Variants in KDM4C observed in about 807,000 individuals in gnomAD.
KDM4C encodes the protein lysine-specific demethylase 4C.
In KDM4C, 81 loss-of-function variants were observed where a neutral mutation model predicts 129.3. The ratio of observed to expected loss-of-function variants is 0.63; its 90% CI spans 0.52 to 0.75. KDM4C has a LOEUF of 0.75. Ranked by LOEUF, KDM4C falls within the 30% of genes least tolerant of loss-of-function variation. KDM4C has a pLI of 0.00. For synonymous variants in KDM4C, 573 were observed against 456.1 expected (o/e 1.26, Z -3.26); for missense variants, 1,457 against 1,304.0 (o/e 1.12, Z -1.81).
At chr9:6,773,626 C>T (rs1197672311) in intron 1 of KDM4C, among the ~76,000 whole-genome samples, 1 of 152,016 alleles carries the variant, frequency 6.6e-6, no homozygotes, top group Non-Finnish European at 1.5e-5. Context: ...CAAAAATTAG[C>T]TGGGTGTGTT....
At chr9:7,113,420 G>C (rs1302110542) in intron 18 of KDM4C, among the ~76,000 whole-genome samples, 1 of 152,096 alleles carries the variant, frequency 6.6e-6, no homozygotes, top group Non-Finnish European at 1.5e-5. Flanking sequence ...TCTTAATTTT[G>C]CTAGGAAATT....
intron 8 of KDM4C, among the ~76,000 whole-genome samples, chr9:6,911,307 T>G (rs931665279): frequency 2.6e-5 from 4 of 152,170 alleles, no homozygotes; most frequent in African/African-American, 9.7e-5. Flanking sequence ...TCTGAAAGAT[T>G]AGAGTTTCCA....
intron 5 of KDM4C, among the ~76,000 whole-genome samples, chr9:6,865,207 A>G (rs960299972): frequency 6.6e-6 from 1 of 151,828 alleles, no homozygotes; most frequent in African/African-American, 2.4e-5. Context: ...ACGGGGTTTC[A>G]CCGTGTTTGC....
intron 19 of KDM4C, among the ~76,000 whole-genome samples, chr9:7,146,084 A>G (rs1411955419): frequency 6.6e-6 from 1 of 152,270 alleles, no homozygotes; most frequent in Non-Finnish European, 1.5e-5. Flanking sequence ...TTATGCAGCC[A>G]TTAAAATCAT....
chr9:7,149,603 A>T (rs928488006), intron 19 of KDM4C, among the ~76,000 whole-genome samples: 1 of 152,230 alleles, frequency 6.6e-6, no homozygotes. Flanking sequence ...GGCCGCCGCC[A>T]CCAGTAGTAA....
upstream of KDM4C, among the ~76,000 whole-genome samples, chr9:6,754,394 G>A (rs1818177259): frequency 6.6e-6 from 1 of 151,700 alleles, no homozygotes; most frequent in Non-Finnish European, 1.5e-5. Flanking sequence ...TGTATTTTTA[G>A]TAGAGACAGG....
chr9:6,964,795 A>C (rs1335455859), intron 8 of KDM4C, among the ~76,000 whole-genome samples: 5 of 149,976 alleles, frequency 3.3e-5, no homozygotes, highest in African/African-American at 7.4e-5. Context: ...AAAAAAAAAA[A>C]AAAAAACCAC....
intron 15 of KDM4C, among the ~76,000 whole-genome samples, chr9:7,022,696 A>C (rs1825097192): frequency 6.7e-6 from 1 of 150,230 alleles, no homozygotes; most frequent in South Asian, 2.1e-4. Context: ...GTTGAAGAAC[A>C]GTGTTGAAAA....
intron 15 of KDM4C, among the ~76,000 whole-genome samples, chr9:7,027,045 C>A (rs1350820350): frequency 3.9e-5 from 6 of 152,014 alleles, no homozygotes; most frequent in African/African-American, 1.4e-4. Context: ...ACTTTGAATT[C>A]TTTGAGAGGT....
chr9:6,782,485 T>C (rs1012297197), intron 1 of KDM4C, among the ~76,000 whole-genome samples: 2 of 152,186 alleles, frequency 1.3e-5, no homozygotes, highest in African/African-American at 4.8e-5. Context: ...GGAGTTCTTA[T>C]GAGATTTAAT....
At chr9:6,916,994 C>G (rs1940624591) in intron 8 of KDM4C, among the ~76,000 whole-genome samples, 1 of 152,162 alleles carries the variant, frequency 6.6e-6, no homozygotes, top group African/African-American at 2.4e-5. Flanking sequence ...TCTGCCTATT[C>G]ATATTCCACC....
At chr9:7,150,649 G>A (rs565264018) in intron 19 of KDM4C, among the ~76,000 whole-genome samples, 1 of 152,312 alleles carries the variant, frequency 6.6e-6, no homozygotes, top group South Asian at 2.1e-4. Flanking sequence ...TAGAACTGCT[G>A]CTCTTGTGCC....
chr9:6,900,271 G>A (rs762783951), intron 8 of KDM4C, among the ~76,000 whole-genome samples: 2 of 152,166 alleles, frequency 1.3e-5, no homozygotes, highest in Admixed American at 6.6e-5. Context: ...TTAGATGTAG[G>A]TTTGCCCCCA....
intron 1 of KDM4C, among the ~76,000 whole-genome samples, chr9:6,763,816 G>A (rs1294127855): frequency 6.6e-6 from 1 of 152,194 alleles, no homozygotes; most frequent in African/African-American, 2.4e-5. Flanking sequence ...GGAGTGCAAT[G>A]TAGCGATCTT....
chr9:6,953,162 G>T (rs1405617176), intron 8 of KDM4C, among the ~76,000 whole-genome samples: 2 of 152,078 alleles, frequency 1.3e-5, no homozygotes, highest in Non-Finnish European at 2.9e-5. Context: ...GTTCATTTTA[G>T]CTTATTTTAT....
intron 6 of KDM4C, among the ~76,000 whole-genome samples, chr9:6,884,033 A>G (rs551806529): frequency 6.6e-6 from 1 of 152,290 alleles, no homozygotes; most frequent in African/African-American, 2.4e-5. Context: ...CCATTACACA[A>G]CGCGCACCAT....
chr9:7,050,779 G>A (rs573484146), intron 17 of KDM4C, among the ~76,000 whole-genome samples: 10 of 152,218 alleles, frequency 6.6e-5, no homozygotes, highest in Admixed American at 5.2e-4. Flanking sequence ...AAGATTTAAC[G>A]TTACCCACAT....
chr9:6,888,801 T>TGCTGC (rs1258494748), intron 7 of KDM4C, among the ~76,000 whole-genome samples: 3 of 94,896 alleles, frequency 3.2e-5, no homozygotes. Flanking sequence ...TTTTTTTTTT[T>TGCTGC]TTTTGAGACG....
chr9:6,886,240 C>T (rs1167002036), intron 6 of KDM4C, among the ~76,000 whole-genome samples: 1 of 151,844 alleles, frequency 6.6e-6, no homozygotes, highest in Non-Finnish European at 1.5e-5. Flanking sequence ...GAATATTAAC[C>T]ATAAGCAGAG....
Sources: gnomAD v4.1 joint callset for allele counts (sites outside exome capture counted in the v4.1 genomes callset) on GRCh38, gnomAD v4.1.1 for gene constraint, MANE v1.5 for transcripts, NCBI Gene and HGNC (gene_info 2026-07-23, HGNC 2026-07-21) for gene names.